RBFOX1: variants seen among roughly 807,000 people sequenced by gnomAD.
RBFOX1 encodes the protein RNA binding fox-1 homolog 1, also known as RNA binding protein fox-1 homolog 1.
A neutral mutation model predicts 57.7 loss-of-function variants in RBFOX1; 8 were observed. The observed-to-expected ratio is 0.14, with a 90% CI of 0.08 to 0.25. RBFOX1 has a LOEUF of 0.25. Among genes scored for constraint, RBFOX1 ranks in the 10% least tolerant of loss-of-function variants. RBFOX1 has a pLI of 1.00. For missense variants in RBFOX1, 611 were observed against 548.5 expected, an observed-to-expected ratio of 1.11 and a Z score of -1.14; for synonymous variants, 326 against 222.4, an observed-to-expected ratio of 1.47 and a Z score of -4.15.
At chr16:5,400,134 C>G (rs514067) in intron 1 of RBFOX1, among the ~76,000 whole-genome samples, 13,717 of 151,358 alleles carry the variant, frequency 0.091, 1,012 homozygotes, top group African/African-American at 0.2. Context: ...GAGTCTCGCT[C>G]TGTCACCCAG....
chr16:6,134,558 A>T (rs1273378672), intron 1 of RBFOX1, among the ~76,000 whole-genome samples: 1 of 152,148 alleles, frequency 6.6e-6, no homozygotes. Flanking sequence ...TACCAAAGAC[A>T]TGACATTAGT....
chr16:6,163,650 G>T (rs2096895444), intron 1 of RBFOX1, among the ~76,000 whole-genome samples: 1 of 152,114 alleles, frequency 6.6e-6, no homozygotes, highest in Admixed American at 6.6e-5. Context: ...GACTTTACTG[G>T]TTATTGTTAT....
intron 2 of RBFOX1, among the ~76,000 whole-genome samples, chr16:6,526,769 G>T (rs1162907338): frequency 3.6e-5 from 5 of 137,372 alleles, no homozygotes; most frequent in African/African-American, 1.4e-4. Flanking sequence ...GGCAGAGCTT[G>T]CAGCGAGCCG....
intron 4 of RBFOX1, among the ~76,000 whole-genome samples, chr16:7,091,536 A>G (rs566158246): frequency 5.9e-5 from 9 of 152,116 alleles, no homozygotes; most frequent in East Asian, 5.8e-4. Context: ...TTAAAAAAAA[A>G]AAGAAGAAAA....
intron 1 of RBFOX1, among the ~76,000 whole-genome samples, chr16:6,213,505 C>G (rs1388791411): frequency 2.0e-5 from 3 of 152,200 alleles, no homozygotes. Flanking sequence ...TGCCTTGACA[C>G]TCTAACAGAC....
rs146730829 is a variant in RBFOX1 at position 5,992,491 on chromosome 16, G to T, written c.351+125156G>T. Among the ~76,000 whole-genome samples, 525 of 152,294 alleles carry T rather than the reference G, an allele frequency of 3.4e-3. 6 individuals are homozygous for T. Among genetic ancestry groups the T allele is most frequent in the African/African-American group, 0.012 (498 of 41,552 alleles). ...AGGATCCCCCAACTTAGATCTTGCA[G>T]GTTTTTCCTGCAACTGGTATGAGTC... On this transcript the variant is annotated intron_variant, in intron 4 of 19. Coordinates refer to the RBFOX1 transcript ENST00000641259.
intron 14 of RBFOX1, among the ~76,000 whole-genome samples, chr16:7,700,371 A>C (rs972672636): frequency 1.3e-5 from 2 of 152,162 alleles, no homozygotes; most frequent in Non-Finnish European, 2.9e-5. Flanking sequence ...TGGTATAACC[A>C]ACTCAAAGAG....
intron 2 of RBFOX1, among the ~76,000 whole-genome samples, chr16:6,541,508 A>G (rs1394252454): frequency 6.6e-6 from 1 of 152,236 alleles, no homozygotes; most frequent in East Asian, 1.9e-4. Flanking sequence ...GTGTCACATC[A>G]GGGTGACGTA....
intron 3 of RBFOX1, among the ~76,000 whole-genome samples, chr16:6,703,094 G>A (rs8053159): frequency 4.0e-5 from 6 of 151,892 alleles, no homozygotes; most frequent in East Asian, 1.9e-4. Flanking sequence ...TATTTCCTTC[G>A]TTTTTAAGGC....
intron 4 of RBFOX1, among the ~76,000 whole-genome samples, chr16:7,497,799 T>C (rs995157471): frequency 1.3e-5 from 2 of 152,218 alleles, no homozygotes; most frequent in Non-Finnish European, 2.9e-5. Flanking sequence ...ACTCAGAATG[T>C]CTACGGATGC....
intron 4 of RBFOX1, among the ~76,000 whole-genome samples, chr16:7,485,167 T>C (rs1205307218): frequency 6.6e-6 from 1 of 152,128 alleles, no homozygotes; most frequent in Non-Finnish European, 1.5e-5. Context: ...TAGTTAATAA[T>C]CAAGGGACAG....
intron 3 of RBFOX1, among the ~76,000 whole-genome samples, chr16:6,743,407 T>C (rs551971450): frequency 6.6e-6 from 1 of 152,252 alleles, no homozygotes; most frequent in Admixed American, 6.5e-5. Context: ...GATCAAATTA[T>C]AGGCTGTGTT....
At chr16:7,270,928 T>C (rs2095304852) in intron 4 of RBFOX1, among the ~76,000 whole-genome samples, 1 of 152,282 alleles carries the variant, frequency 6.6e-6, no homozygotes. Context: ...TGGTTAGGAA[T>C]GGAGACTTAG....
chr16:5,967,806 A>C (rs2059877565), intron 4 of RBFOX1, among the ~76,000 whole-genome samples: 1 of 152,164 alleles, frequency 6.6e-6, no homozygotes, highest in Non-Finnish European at 1.5e-5. Context: ...TACTCAGACT[A>C]CGTCAGTTTT....
intron 2 of RBFOX1, among the ~76,000 whole-genome samples, chr16:6,624,645 G>A (rs768204164): frequency 5.3e-5 from 8 of 152,118 alleles, no homozygotes; most frequent in East Asian, 1.9e-4. Context: ...AACAAATGGG[G>A]TTTTGTTGGG....
chr16:7,709,169 C>T, intron 15 of RBFOX1, 38 bp downstream of exon 15: 2 of 1,544,368 alleles, frequency 1.3e-6, no homozygotes, highest in Non-Finnish European at 1.8e-6. Context: ...CTTCCTCCTG[C>T]CTCCCTTCCC....
At chr16:6,127,429 T>C (rs1298714101) in intron 1 of RBFOX1, among the ~76,000 whole-genome samples, 1 of 152,196 alleles carries the variant, frequency 6.6e-6, no homozygotes, top group Admixed American at 6.5e-5. Flanking sequence ...GAGCATTATA[T>C]GCCAAGCCCT....
At chr16:7,176,116 A>T (rs557174993) in intron 4 of RBFOX1, among the ~76,000 whole-genome samples, 2 of 151,434 alleles carry the variant, frequency 1.3e-5, no homozygotes, top group East Asian at 2.0e-4. Flanking sequence ...TTTTAATCAA[A>T]TTTTTTTTAT....
At chr16:6,569,835 C>G (rs1313350300) in intron 2 of RBFOX1, among the ~76,000 whole-genome samples, 1 of 152,164 alleles carries the variant, frequency 6.6e-6, no homozygotes, top group Admixed American at 6.5e-5. Context: ...GCAGATTTTT[C>G]AAGTCTTCCC....
Sources: gnomAD v4.1 joint callset for allele counts (sites outside exome capture counted in the v4.1 genomes callset) on GRCh38, gnomAD v4.1.1 for gene constraint, MANE v1.5 for transcripts, NCBI Gene and HGNC (gene_info 2026-07-23, HGNC 2026-07-21) for gene names.